The following SEC11A variants were observed in gnomAD, a reference collection of about 807,000 sequenced individuals.
The protein encoded by SEC11A is signal peptidase complex catalytic subunit SEC11A.
A neutral mutation model predicts 25.6 loss-of-function variants in SEC11A; 14 were observed. The ratio of observed to expected loss-of-function variants is 0.55; its 90% CI spans 0.36 to 0.85. SEC11A has a LOEUF of 0.85. Among genes scored for constraint, SEC11A ranks in the 40% least tolerant of loss-of-function variants. The pLI is 0.01. For synonymous variants in SEC11A, 83 were observed against 76.4 expected (o/e 1.09, Z -0.45); for missense variants, 153 against 222.9 (o/e 0.69, Z 2.00).
chr15:84,701,709 C>T (rs941468092), intron 1 of SEC11A, among the ~76,000 whole-genome samples: 1 of 152,004 alleles, frequency 6.6e-6, no homozygotes, highest in African/African-American at 2.4e-5. Flanking sequence ...ACATATCATG[C>T]TTACATTAAT....
chr15:84,696,849 G>T (rs1337450787), intron 1 of SEC11A, among the ~76,000 whole-genome samples: 1 of 152,068 alleles, frequency 6.6e-6, no homozygotes, highest in Non-Finnish European at 1.5e-5. Flanking sequence ...AGTTGCAGAA[G>T]TTACCTAATT....
chr15:84,693,219 A>G (rs1220048040), intron 1 of SEC11A, among the ~76,000 whole-genome samples: 1 of 152,164 alleles, frequency 6.6e-6, no homozygotes, highest in Non-Finnish European at 1.5e-5. Context: ...AAGGTGGAAG[A>G]CTGTTCTAGA....
At chr15:84,681,998 G>T (rs532103970) in intron 3 of SEC11A, among the ~76,000 whole-genome samples, 4 of 152,266 alleles carry the variant, frequency 2.6e-5, no homozygotes, top group African/African-American at 9.6e-5. Context: ...GATTGAGGCT[G>T]CGGTGAGCTG....
chr15:84,702,276 C>T (rs1465421694), intron 1 of SEC11A, among the ~76,000 whole-genome samples: 2 of 151,488 alleles, frequency 1.3e-5, no homozygotes, highest in Admixed American at 1.3e-4. Context: ...GCCTGGCCAA[C>T]ATGGTGAAAC....
chr15:84,699,204 G>A (rs1419174631), intron 1 of SEC11A, among the ~76,000 whole-genome samples: 1 of 151,360 alleles, frequency 6.6e-6, no homozygotes, highest in Non-Finnish European at 1.5e-5. Flanking sequence ...GGTCCCAGCT[G>A]CTCGGGAGGT....
chr15:84,691,364 G>A (rs945920791), intron 2 of SEC11A, among the ~76,000 whole-genome samples, 171 bp downstream of exon 2: 4 of 152,074 alleles, frequency 2.6e-5, no homozygotes, highest in Non-Finnish European at 4.4e-5. Flanking sequence ...ATAAGCCACC[G>A]TGCCCAGCCT....
intron 1 of SEC11A, among the ~76,000 whole-genome samples, chr15:84,710,069 A>G (rs1049420182): frequency 6.6e-6 from 1 of 152,178 alleles, no homozygotes; most frequent in East Asian, 1.9e-4. Context: ...AATTTAAGAG[A>G]ATTTGGCCTA....
At chr15:84,693,622 G>A (rs1340070803) in intron 1 of SEC11A, among the ~76,000 whole-genome samples, 6 of 151,724 alleles carry the variant, frequency 4.0e-5, no homozygotes, top group East Asian at 1.9e-4. Context: ...CATCACGCCC[G>A]GCCAATTTTT....
intron 1 of SEC11A, among the ~76,000 whole-genome samples, chr15:84,695,761 C>A (rs145873384): frequency 1.3e-5 from 2 of 152,288 alleles, no homozygotes; most frequent in East Asian, 3.9e-4. Context: ...CACACTTGAT[C>A]TTAGCCAAAA....
At chr15:84,709,850 C>T (rs528889139) in intron 1 of SEC11A, among the ~76,000 whole-genome samples, 18 of 152,268 alleles carry the variant, frequency 1.2e-4, no homozygotes, top group Admixed American at 5.9e-4. Context: ...TCAAGTGATT[C>T]TTGTGCCTCA....
Position 84,695,537 on chromosome 15 carries a change from A to C in SEC11A, c.52-3893T>G, listed in dbSNP as rs542898561. Among the ~76,000 whole-genome samples the C allele has an allele frequency of 2.6e-3, 392 of 152,092 alleles. 3 individuals are homozygous for C. Among genetic ancestry groups the C allele is most frequent in the Non-Finnish European group, 2.5e-3 (173 of 67,996 alleles). ...GTCCCAGCTCCTTGGAGGCTGAGGC[A>C]GGAGAATCACTTGAACCCAGGACGT... On this transcript the variant is annotated intron_variant, in intron 1 of 5. Coordinates refer to ENST00000268220, the MANE Select transcript of SEC11A (RefSeq NM_014300.4).
intron 2 of SEC11A, 113 bp downstream of exon 2, chr15:84,691,422 C>A: frequency 1.6e-6 from 1 of 632,228 alleles, no homozygotes; most frequent in Non-Finnish European, 2.8e-6. Context: ...CTTCCAGGCC[C>A]TTTTCTGGAA....
intron 4 of SEC11A, chr15:84,673,439 A>G: frequency 5.3e-6 from 1 of 188,250 alleles, no homozygotes; most frequent in Non-Finnish European, 1.0e-5. Context: ...GGAAAAAAAA[A>G]AAAAAAAGAA....
chr15:84,674,545 C>A (rs774192202), intron 4 of SEC11A, among the ~76,000 whole-genome samples: 2 of 151,408 alleles, frequency 1.3e-5, no homozygotes, highest in Non-Finnish European at 1.5e-5. Context: ...TGTGAATAAT[C>A]CATGGAATTT....
chr15:84,670,980 A>C, intron 4 of SEC11A, 198 bp from the exon 5 acceptor site: 1 of 422,202 alleles, frequency 2.4e-6, no homozygotes. Flanking sequence ...AGAGATGAGG[A>C]AACAGATGAT....
intron 1 of SEC11A, among the ~76,000 whole-genome samples, chr15:84,692,756 A>G (rs1295234801): frequency 2.0e-5 from 3 of 152,246 alleles, no homozygotes; most frequent in Non-Finnish European, 4.4e-5. Flanking sequence ...GTACTGGGAG[A>G]AATCTGAAAA....
intron 3 of SEC11A, among the ~76,000 whole-genome samples, chr15:84,687,302 C>G (rs1053077428): frequency 2.0e-5 from 3 of 152,224 alleles, no homozygotes; most frequent in African/African-American, 7.2e-5. Flanking sequence ...GCGTGAGCCA[C>G]TGTGCCCAAC....
In SEC11A at chr15:84,716,092, A is replaced by T; in HGVS notation, c.-17T>A. On this transcript the variant is annotated 5_prime_UTR_variant, in exon 1 of 6. Coordinates refer to ENST00000268220, the MANE Select transcript of SEC11A (RefSeq NM_014300.4). ...AGACAGCATGGCGGGGACGGCGAGC[A>T]GGACACCGGCAGGGGAAAGGGCGCG... 2 of 1,613,218 alleles carry T rather than the reference A, an allele frequency of 1.2e-6. No individual in the cohort carries two copies. The highest frequency in any genetic ancestry group is 2.2e-5 in the South Asian group (2 of 91,006).
At chr15:84,693,233 A>G (rs987302914) in intron 1 of SEC11A, among the ~76,000 whole-genome samples, 1 of 152,184 alleles carries the variant, frequency 6.6e-6, no homozygotes, top group Non-Finnish European at 1.5e-5. Context: ...TTCTAGATTA[A>G]AAAGTACTAA....
Sources: gnomAD v4.1 joint callset for allele counts (sites outside exome capture counted in the v4.1 genomes callset) on GRCh38, gnomAD v4.1.1 for gene constraint, MANE v1.5 for transcripts, NCBI Gene and HGNC (gene_info 2026-07-23, HGNC 2026-07-21) for gene names.